SYNE1: variants seen among roughly 807,000 people sequenced by gnomAD.
SYNE1 encodes nesprin-1.
In SYNE1, 616 loss-of-function variants were observed where a neutral mutation model predicts 1,111.0. The ratio of observed to expected loss-of-function variants is 0.55; its 90% CI spans 0.52 to 0.59. SYNE1 has a LOEUF of 0.59. SYNE1 is among the 20% of genes least tolerant of loss of function. The pLI is 0.00. For missense variants in SYNE1, 10,006 were observed against 10,417.0 expected (o/e 0.96, Z 1.72); for synonymous variants, 3,855 against 3,825.8 (o/e 1.01, Z -0.28).
intron 108 of SYNE1, among the ~76,000 whole-genome samples, chr6:152,238,782 A>G (rs1466176409): frequency 1.3e-5 from 2 of 152,188 alleles, no homozygotes; most frequent in East Asian, 1.9e-4. Flanking sequence ...TGTTCCATCA[A>G]TAATGTCCTA....
chr6:152,186,565 A>G lies in SYNE1; in HGVS notation c.23301+2687T>C, dbSNP rs1200140705. ...GAGAGCAGCTCTGTGTCAAAAAAAA[A>G]AAAAAAAAAAAAAAAAAAAAAAAAA... is the stretch of plus-strand genomic sequence containing the variant. On this transcript the variant is annotated intron_variant, in intron 128 of 145. Coordinates refer to ENST00000367255, the MANE Select transcript of SYNE1 (RefSeq NM_182961.4). 2.0e-4 allele frequency among the ~76,000 whole-genome samples: 6 copies of G among 29,912 alleles called. No homozygotes were observed. The South Asian group carries it at 8.5e-3, about 42-fold the overall frequency. The allele number at this position is 29,912 out of a possible 152,430, so 19.6% of individuals were successfully genotyped here.
chr6:152,512,641 C>T (rs2099090835), intron 6 of SYNE1, among the ~76,000 whole-genome samples: 1 of 152,116 alleles, frequency 6.6e-6, no homozygotes, highest in Admixed American at 6.5e-5. Flanking sequence ...TCCAATTGTA[C>T]TTGAAATTGT....
chr6:152,342,250 T>C (rs1371456683), intron 74 of SYNE1, among the ~76,000 whole-genome samples: 1 of 152,250 alleles, frequency 6.6e-6, no homozygotes, highest in African/African-American at 2.4e-5. Flanking sequence ...TACTTTCTTC[T>C]CCCTTTATCT....
chr6:152,605,008 G>T (rs1220135090), intron 3 of SYNE1, among the ~76,000 whole-genome samples: 2 of 28,796 alleles, frequency 6.9e-5, no homozygotes, highest in African/African-American at 3.9e-4. Flanking sequence ...AAGAAAGAAA[G>T]AGAGAGAGAG....
chr6:152,597,226 C>T (rs767731013), intron 3 of SYNE1, among the ~76,000 whole-genome samples: 2 of 152,158 alleles, frequency 1.3e-5, no homozygotes, highest in African/African-American at 2.4e-5. Flanking sequence ...ATTAAATAGA[C>T]GTGCATCTTA....
intron 9 of SYNE1, among the ~76,000 whole-genome samples, chr6:152,503,355 G>A (rs570381226): frequency 1.3e-5 from 2 of 152,204 alleles, no homozygotes; most frequent in African/African-American, 4.8e-5. Flanking sequence ...AGCACTCTTC[G>A]AGGGAAACTC....
chr6:152,304,321 T>C (rs1439739812), intron 91 of SYNE1, among the ~76,000 whole-genome samples: 2 of 152,142 alleles, frequency 1.3e-5, no homozygotes, highest in South Asian at 2.1e-4. Flanking sequence ...ATTGAAGGAA[T>C]CTTTTTTATT....
chr6:152,626,647 T>C (rs2099686350), intron 3 of SYNE1, among the ~76,000 whole-genome samples: 1 of 152,222 alleles, frequency 6.6e-6, no homozygotes, highest in African/African-American at 2.4e-5. Flanking sequence ...AGGCTCTTTC[T>C]GGCATGACAT....
intron 98 of SYNE1, among the ~76,000 whole-genome samples, chr6:152,270,483 A>G: frequency 6.6e-6 from 1 of 152,234 alleles, no homozygotes; most frequent in East Asian, 1.9e-4. Context: ...GTAATGACTC[A>G]GCACCTAGGC....
chr6:152,565,773 C>A (rs1048787598), intron 3 of SYNE1, among the ~76,000 whole-genome samples: 3 of 151,884 alleles, frequency 2.0e-5, no homozygotes, highest in East Asian at 1.9e-4. Flanking sequence ...ATTTCTTGTC[C>A]TTTTCAATTT....
chr6:152,253,846 T>TTTTTTTTTTTTTTTTTTTTTTTTTTG (rs2090129901), intron 104 of SYNE1, among the ~76,000 whole-genome samples: 1 of 106,562 alleles, frequency 9.4e-6, no homozygotes, highest in African/African-American at 4.6e-5. Flanking sequence ...TTTTTTTTTT[T>TTTTTTTTTTTTTTTTTTTTTTTTTTG]TTTTTTTTTT....
At chr6:152,499,221 G>A (rs1253869245) in intron 10 of SYNE1, among the ~76,000 whole-genome samples, 1 of 152,028 alleles carries the variant, frequency 6.6e-6, no homozygotes, top group Non-Finnish European at 1.5e-5. Context: ...TGTTGCAATG[G>A]AAGAACAGAT....
At chr6:152,269,046 GACACTCTGTCTTTAGT>G in intron 99 of SYNE1, 93 bp downstream of exon 99, 1 of 1,515,666 alleles carries the variant, frequency 6.6e-7, no homozygotes, top group Non-Finnish European at 9.1e-7. Flanking sequence ...AAGATAAAGA[GACACTCTGTCTTTAGT>G]ACAGAAGCAA....
chr6:152,333,942 A>G (rs2096313614), intron 77 of SYNE1, 66 bp downstream of exon 77: 1 of 1,609,536 alleles, frequency 6.2e-7, no homozygotes, highest in Non-Finnish European at 8.5e-7. Context: ...CACATTTTAA[A>G]TTTTTATAGA....
At chr6:152,323,178 C>T (rs895028174) in intron 82 of SYNE1, among the ~76,000 whole-genome samples, 4 of 152,084 alleles carry the variant, frequency 2.6e-5, no homozygotes, top group Non-Finnish European at 4.4e-5. Flanking sequence ...GGGCCGGGCG[C>T]GGTGGCTCAC....
At chr6:152,600,242 C>T (rs1247616717) in intron 3 of SYNE1, among the ~76,000 whole-genome samples, 1 of 152,162 alleles carries the variant, frequency 6.6e-6, no homozygotes, top group Non-Finnish European at 1.5e-5. Flanking sequence ...GGCTAAGGAA[C>T]AGTTGCCATG....
chr6:152,535,211 G>T (rs1179517349), intron 4 of SYNE1, among the ~76,000 whole-genome samples: 2 of 152,202 alleles, frequency 1.3e-5, no homozygotes, highest in African/African-American at 2.4e-5. Context: ...AGACTTAGAA[G>T]GAGCCTGGCC....
chr6:152,191,213 G>A (rs1448909503), intron 127 of SYNE1, among the ~76,000 whole-genome samples: 2 of 147,552 alleles, frequency 1.4e-5, no homozygotes, highest in Non-Finnish European at 3.0e-5. Flanking sequence ...GTTCATCAGA[G>A]ATATTGTTCT....
chr6:152,355,992 T>C lies in SYNE1; in HGVS notation c.10609-1016A>G, dbSNP rs528038268. Among the ~76,000 whole-genome samples, 4 of 152,290 alleles carry C rather than the reference T, an allele frequency of 2.6e-5. No individual in the cohort carries two copies. In the East Asian group the frequency reaches 5.8e-4, roughly 22 times the overall value. On this transcript the variant is annotated intron_variant, in intron 66 of 145. Transcript: ENST00000367255. ...CATGGAAGGAGAAGAACTATAGATA[T>C]ACATGGTAAAATATTAATCAAATTG...
Sources: allele counts gnomAD v4.1 joint callset (sites outside exome capture counted in the v4.1 genomes callset), GRCh38; gene constraint gnomAD v4.1.1; transcripts MANE v1.5; gene names NCBI Gene and HGNC (gene_info 2026-07-23, HGNC 2026-07-21).